Variants in TNIP3 observed in about 807,000 individuals in gnomAD.
The protein encoded by TNIP3 is TNFAIP3-interacting protein 3.
In TNIP3, 34 loss-of-function variants were observed where a neutral mutation model predicts 54.1. The ratio of observed to expected loss-of-function variants is 0.63; its 90% CI spans 0.48 to 0.84. The LOEUF (loss-of-function observed/expected upper bound fraction) is 0.84. TNIP3 is among the 40% of genes least tolerant of loss of function. TNIP3 has a pLI of 0.00. For synonymous variants in TNIP3, 134 were observed against 136.8 expected (o/e 0.98, Z 0.14); for missense variants, 366 against 387.6 (o/e 0.94, Z 0.47).
At chr4:121,173,264 G>A (rs151133080) in intron 3 of TNIP3, among the ~76,000 whole-genome samples, 12 of 152,214 alleles carry the variant, frequency 7.9e-5, no homozygotes, top group South Asian at 4.1e-4. Flanking sequence ...GGAATTAAGC[G>A]TTTTTGAGGG....
chr4:121,146,640 T>C lies in TNIP3; in HGVS notation c.735+409A>G, dbSNP rs142916925. On this transcript the variant is annotated intron_variant, in intron 7 of 10. Coordinates refer to ENST00000057513, the MANE Select transcript of TNIP3 (RefSeq NM_024873.6). ...CAAAATCCTCAGTCTCACATATAAA[T>C]GGCATTTAGAAATACGTATGTTTTT... Among the ~76,000 whole-genome samples, 1,051 of 152,270 alleles carry C rather than the reference T, an allele frequency of 6.9e-3. 8 individuals are homozygous for C. The highest frequency in any genetic ancestry group is 0.024 in the African/African-American group (987 of 41,556).
rs1185960644 is a variant in TNIP3, at chr4:121,196,919, T to TA, written c.69-14124dup. Among the ~76,000 whole-genome samples the TA allele has an allele frequency of 2.0e-5, 3 of 151,924 alleles. No homozygotes were observed. In the East Asian group the frequency reaches 5.8e-4, roughly 29 times the overall value. On this transcript the variant is annotated intron_variant, in intron 2 of 12. Transcript: ENST00000507879. ...TTCTGATTAGTGTTTTATCAGTCAT[T>TA]AAAAAAATGTAAGAAATAAAATTCT...
rs1413951688 is a variant in TNIP3, at chr4:121,132,090, T to C, written c.*541A>G. On this transcript the variant is annotated 3_prime_UTR_variant, in exon 11 of 11. Coordinates refer to ENST00000057513, the MANE Select transcript of TNIP3 (RefSeq NM_024873.6). ...TAATGAGGTATATACACCTCTTCAA[T>C]TCTACGTTTAGGATCACTGAGGTCA... 1 of 153,880 alleles carries C rather than the reference T, an allele frequency of 6.5e-6. No homozygotes were observed. The highest frequency in any genetic ancestry group is 1.9e-4 in the East Asian group (1 of 5,216). The allele number at this position is 153,880 out of a possible 1,614,324, so 9.5% of individuals were successfully genotyped here. A position where few individuals can be genotyped will look rare whatever the true frequency, so the allele number is the denominator to read the frequency against.
At chr4:121,159,574 G>T (rs554102253) in intron 2 of TNIP3, among the ~76,000 whole-genome samples, 1 of 152,120 alleles carries the variant, frequency 6.6e-6, no homozygotes, top group Non-Finnish European at 1.5e-5. Flanking sequence ...AACTGATCAC[G>T]ATTTTCTTGC....
chr4:121,198,136 G>A (rs905929210), intron 2 of TNIP3, among the ~76,000 whole-genome samples: 3 of 150,092 alleles, frequency 2.0e-5, no homozygotes, highest in South Asian at 2.1e-4. Context: ...GCTAGGAGAA[G>A]TTTCATTCTT....
intron 3 of TNIP3, among the ~76,000 whole-genome samples, chr4:121,171,683 T>G (rs1723951978): frequency 6.6e-6 from 1 of 152,170 alleles, no homozygotes; most frequent in Non-Finnish European, 1.5e-5. Flanking sequence ...GCCTGGATGT[T>G]TCTCAGTTCT....
chr4:121,158,979 C>G (rs541000526), intron 2 of TNIP3, among the ~76,000 whole-genome samples: 1 of 152,184 alleles, frequency 6.6e-6, no homozygotes, highest in Admixed American at 6.5e-5. Flanking sequence ...CGGTGGCTCA[C>G]GCCTGTAATC....
intron 3 of TNIP3, among the ~76,000 whole-genome samples, chr4:121,170,376 C>T (rs751743267): frequency 2.0e-5 from 3 of 152,146 alleles, no homozygotes; most frequent in Non-Finnish European, 4.4e-5. Context: ...GAACACAGTC[C>T]AGAACACACA....
intron 2 of TNIP3, among the ~76,000 whole-genome samples, chr4:121,209,097 G>A (rs948705329): frequency 6.6e-6 from 1 of 152,246 alleles, no homozygotes; most frequent in African/African-American, 2.4e-5. Context: ...AAGCTTCCTG[G>A]TTGGTAACAC....
chr4:121,176,511 CATTATGATGATG>C (rs1387761012), intron 3 of TNIP3, among the ~76,000 whole-genome samples: 15 of 116,486 alleles, frequency 1.3e-4, no homozygotes, highest in Non-Finnish European at 2.6e-4. Flanking sequence ...ATCCTACTAG[CATTATGATGATG>C]ATGATGATGA....
At chr4:121,167,216 T>A (rs767327443), upstream of TNIP3, among the ~76,000 whole-genome samples, 3 of 152,128 alleles carry the variant, frequency 2.0e-5, no homozygotes, top group Non-Finnish European at 4.4e-5. Flanking sequence ...TCCCTGCTTA[T>A]GATGAAATGT....
chr4:121,162,674 G>T (rs931592517), intron 1 of TNIP3, among the ~76,000 whole-genome samples: 8 of 152,212 alleles, frequency 5.3e-5, no homozygotes, highest in Non-Finnish European at 1.2e-4. Context: ...TAGAATGGTG[G>T]TTCCCACCAC....
At chr4:121,157,618 G>A (rs909489062) in intron 3 of TNIP3, among the ~76,000 whole-genome samples, 1 of 152,176 alleles carries the variant, frequency 6.6e-6, no homozygotes, top group Non-Finnish European at 1.5e-5. Flanking sequence ...AGCAGGTTAA[G>A]TAGCATATGC....
At chr4:121,138,798 T>C (rs1728940300) in intron 9 of TNIP3, 114 bp from the exon 10 acceptor site, 6 of 965,818 alleles carry the variant, frequency 6.2e-6, no homozygotes, top group Non-Finnish European at 9.8e-6. Context: ...AAAAGTAATT[T>C]CTATCCAAAC....
At chr4:121,218,676 A>T (rs543368165), upstream of TNIP3, among the ~76,000 whole-genome samples, 1 of 150,566 alleles carries the variant, frequency 6.6e-6, no homozygotes, top group African/African-American at 2.4e-5. Context: ...TCACTATATT[A>T]CCCAAGCTAG....
In TNIP3 at chr4:121,227,371, A is replaced by G. The variant is rs557587246; in HGVS notation, c.3+14T>C. The G allele has an allele frequency of 1.8e-5, 28 of 1,535,286 alleles. No individual in the cohort carries two copies. The African/African-American group carries it at 3.3e-4, about 18-fold the overall frequency. Reference sequence around the variant, plus strand: ...CGAAATGAAAGTAAAGGCACAAGACATTATGTTACTCACCATGTTCTATCC... The same window carrying G: ...CGAAATGAAAGTAAAGGCACAAGACGTTATGTTACTCACCATGTTCTATCC... On this transcript the variant is annotated intron_variant, in intron 1 of 12. Coordinates refer to the TNIP3 transcript ENST00000509841.
At chr4:121,161,072 A>G in intron 2 of TNIP3, 64 bp downstream of exon 2, 1 of 1,243,652 alleles carries the variant, frequency 8.0e-7, no homozygotes, top group Non-Finnish European at 1.1e-6. Context: ...CAAGGATAAT[A>G]CATTATTTTA....
At chr4:121,169,376 T>A (rs577994287) in intron 3 of TNIP3, among the ~76,000 whole-genome samples, 11 of 152,252 alleles carry the variant, frequency 7.2e-5, no homozygotes, top group South Asian at 4.2e-4. Context: ...GTTTATTGAG[T>A]CTTTACTTGG....
intron 4 of TNIP3, among the ~76,000 whole-genome samples, chr4:121,156,253 C>T (rs1053197826): frequency 1.3e-5 from 2 of 152,202 alleles, no homozygotes; most frequent in Non-Finnish European, 2.9e-5. Flanking sequence ...GATAAGATTT[C>T]CCCTCAGAGT....
Sources: gnomAD v4.1 joint callset for allele counts (sites outside exome capture counted in the v4.1 genomes callset) on GRCh38, gnomAD v4.1.1 for gene constraint, MANE v1.5 for transcripts, NCBI Gene and HGNC (gene_info 2026-07-23, HGNC 2026-07-21) for gene names.